Variants in XIRP2 observed in about 807,000 individuals in gnomAD.
The protein encoded by XIRP2 is xin actin-binding repeat-containing protein 2.
Under a neutral mutation model 277.0 loss-of-function variants are expected in XIRP2, and 236 were observed. That is an observed-to-expected ratio of 0.85 (90% confidence interval 0.77 to 0.95). The LOEUF is 0.95. XIRP2 is among the 40% of genes least tolerant of loss of function. XIRP2 has a pLI of 0.00. For missense variants in XIRP2, 4,640 were observed against 4,157.5 expected, an observed-to-expected ratio of 1.12 and a Z score of -3.19; for synonymous variants, 1,490 against 1,416.5, an observed-to-expected ratio of 1.05 and a Z score of -1.17.
At chr2:166,934,020 T>C (rs765076093) in intron 2 of XIRP2, among the ~76,000 whole-genome samples, 24 of 151,420 alleles carry the variant, frequency 1.6e-4, no homozygotes, top group Non-Finnish European at 3.2e-4. Flanking sequence ...ATTACAGGAG[T>C]GTGAGGATAG....
chr2:167,109,021 C>T (rs971438261), intron 2 of XIRP2, among the ~76,000 whole-genome samples: 1 of 151,850 alleles, frequency 6.6e-6, no homozygotes, highest in African/African-American at 2.4e-5. Context: ...TCCTTCCTCC[C>T]ACCCTCTACC....
intron 4 of XIRP2, among the ~76,000 whole-genome samples, chr2:167,216,896 A>G (rs1694262017): frequency 7.9e-6 from 1 of 126,606 alleles, no homozygotes; most frequent in Non-Finnish European, 1.5e-5. Context: ...ATGTCCAACA[A>G]TGATAGACTG....
intron 2 of XIRP2, among the ~76,000 whole-genome samples, chr2:167,071,468 C>T (rs1291262351): frequency 1.3e-5 from 2 of 152,154 alleles, no homozygotes; most frequent in African/African-American, 2.4e-5. Context: ...CTGGGAAGGA[C>T]TGCGGTCAGA....
At chr2:167,036,953 G>C (rs1345007144) in intron 2 of XIRP2, among the ~76,000 whole-genome samples, 1 of 152,162 alleles carries the variant, frequency 6.6e-6, no homozygotes, top group Non-Finnish European at 1.5e-5. Context: ...CACCATGTAA[G>C]AAGTGCCTTT....
intron 5 of XIRP2, among the ~76,000 whole-genome samples, chr2:167,222,861 C>G (rs1028631815): frequency 1.3e-5 from 2 of 151,474 alleles, no homozygotes; most frequent in Admixed American, 1.3e-4. Context: ...CTTTCTTCCT[C>G]TTTTTTTTTC....
chr2:167,200,802 A>G (rs1429396454), intron 3 of XIRP2, among the ~76,000 whole-genome samples: 2 of 152,140 alleles, frequency 1.3e-5, no homozygotes, highest in Non-Finnish European at 2.9e-5. Context: ...ATGTTTATAG[A>G]ATGCAGGACT....
At chr2:167,232,045 T>C (rs1035232500) in intron 5 of XIRP2, among the ~76,000 whole-genome samples, 36 of 152,136 alleles carry the variant, frequency 2.4e-4, no homozygotes, top group African/African-American at 8.4e-4. Context: ...CCATTGCCTC[T>C]TCAATAAATT....
chr2:167,245,458 A>T lies in XIRP2; in HGVS notation c.4066A>T (p.Thr1356Ser), dbSNP rs1391936715. 2 of 1,613,524 alleles carry T rather than the reference A, an allele frequency of 1.2e-6. No homozygotes were observed. Among genetic ancestry groups the T allele is most frequent in the Non-Finnish European group, 1.7e-6 (2 of 1,179,732 alleles). ...GCGAGGAACAAGGTGGCTTTTTGAA[A>T]CAAAGCCATTAGACTCTATTAATAA... ...DVRGTRWLFE[T>S]KPLDSINKSE... is the part of the protein sequence containing the mutation. The change falls in exon 9 of 11, where the codon ACA becomes TCA. Residue 1356 changes from threonine (T) to serine (S), a missense_variant. By Grantham distance (58) the Thr-to-Ser change is moderately conservative (BLOSUM62 1). Transcript: ENST00000409195.
intron 2 of XIRP2, among the ~76,000 whole-genome samples, chr2:166,935,461 C>G (rs988127688): frequency 7.8e-6 from 1 of 128,324 alleles, no homozygotes; most frequent in Non-Finnish European, 1.8e-5. Context: ...ATGTGCACAA[C>G]GTGCACGTTT....
In XIRP2 at chr2:167,151,252, G is replaced by A. The variant is rs202040377; in HGVS notation, c.562+15190G>A. 1.8e-3 allele frequency among the ~76,000 whole-genome samples: 281 copies of A among 152,186 alleles called. 3 individuals are homozygous for A. Among genetic ancestry groups the A allele is most frequent in the Non-Finnish European group, 3.5e-3 (235 of 67,992 alleles). On this transcript the variant is annotated intron_variant, in intron 3 of 10. Transcript: ENST00000409195. The stretch of plus-strand genomic sequence containing the variant: ...CAGTTCAGGTATCTTAAGTGATGTC[G>A]GAAGTTGTTAATGGCATACAGAAGG...
intron 2 of XIRP2, among the ~76,000 whole-genome samples, chr2:167,100,463 A>T (rs986079406): frequency 6.6e-6 from 1 of 152,194 alleles, no homozygotes; most frequent in Non-Finnish European, 1.5e-5. Flanking sequence ...TCCTAAAGAG[A>T]TATTCTCCTA....
chr2:167,074,478 A>T (rs969460336), intron 2 of XIRP2, among the ~76,000 whole-genome samples: 8 of 152,210 alleles, frequency 5.3e-5, no homozygotes, highest in African/African-American at 9.6e-5. Context: ...ATTCCATTTT[A>T]AAAATAATCA....
rs1363214951 is a variant in XIRP2, at chr2:167,247,234, G to T, written c.5842G>T (p.Asp1948Tyr). The T allele has an allele frequency of 6.2e-7, 1 of 1,613,636 alleles. No individual in the cohort carries two copies. Among genetic ancestry groups the T allele is most frequent in the East Asian group, 2.2e-5 (1 of 44,834 alleles). ...EVHKEGVIKK[D>Y]AKAVMAGSSG... ...ACATAAAGAAGGTGTAATAAAAAAAGATGCTAAAGCTGTGATGGCAGGATC... is the reference window on the plus strand; with the variant it reads ...ACATAAAGAAGGTGTAATAAAAAAATATGCTAAAGCTGTGATGGCAGGATC... The change falls in exon 9 of 11, where the codon GAT becomes TAT. Residue 1948 changes from aspartate (D) to tyrosine (Y), a missense_variant. Transcript: ENST00000409195.
At chr2:166,928,083 G>A (rs1347065589) in intron 2 of XIRP2, among the ~76,000 whole-genome samples, 1 of 152,130 alleles carries the variant, frequency 6.6e-6, no homozygotes, top group African/African-American at 2.4e-5. Context: ...AGCTCAAAGA[G>A]TTCCGTCATT....
intron 2 of XIRP2, among the ~76,000 whole-genome samples, chr2:167,046,499 A>G (rs1688790275): frequency 6.6e-6 from 1 of 152,034 alleles, no homozygotes; most frequent in Admixed American, 6.6e-5. Context: ...ACTATTCACA[A>G]TAGCAAAGAC....
At chr2:167,142,174 G>A (rs1691739062) in intron 3 of XIRP2, among the ~76,000 whole-genome samples, 1 of 152,158 alleles carries the variant, frequency 6.6e-6, no homozygotes, top group Non-Finnish European at 1.5e-5. Context: ...AGAGCAGAGG[G>A]CAAAAAGTTC....
At chr2:167,209,640 A>T (rs1471402209) in intron 3 of XIRP2, among the ~76,000 whole-genome samples, 1 of 152,064 alleles carries the variant, frequency 6.6e-6, no homozygotes, top group African/African-American at 2.4e-5. Flanking sequence ...ACAAAAGCAC[A>T]TGTATACATA....
intron 2 of XIRP2, among the ~76,000 whole-genome samples, chr2:167,108,561 T>C (rs1690666854): frequency 1.3e-5 from 2 of 152,106 alleles, no homozygotes; most frequent in Admixed American, 1.3e-4. Flanking sequence ...CAGTTGAATG[T>C]ATTTTTTAAA....
At position 167,245,841 on chromosome 2, in the gene XIRP2, G is replaced by C. The variant is rs752457455; in HGVS notation, c.4449G>C (p.Gln1483His). ...AGACAGTCACTCAGGAAGATGTGCA[G>C]AAAGGTGATGTTAAGCAGGCTGTGT... ...NIKTVTQEDVQKGDVKQAVWL... is the reference protein window; with the variant it reads ...NIKTVTQEDVHKGDVKQAVWL... The change falls in exon 9 of 11, where the codon CAG becomes CAC. Residue 1483 changes from glutamine to histidine, a missense_variant. Gln to His is a conservative substitution (Grantham distance 24). Transcript: ENST00000409195. 1.2e-6 allele frequency: 2 copies of C among 1,613,740 alleles called. No individual in the cohort carries two copies. Among genetic ancestry groups the C allele is most frequent in the Non-Finnish European group, 1.7e-6 (2 of 1,179,780 alleles).
Sources: gnomAD v4.1 joint callset for allele counts (sites outside exome capture counted in the v4.1 genomes callset) on GRCh38, gnomAD v4.1.1 for gene constraint, MANE v1.5 for transcripts, NCBI Gene and HGNC (gene_info 2026-07-23, HGNC 2026-07-21) for gene names.